BZW2: variants seen among roughly 807,000 people sequenced by gnomAD.
The protein encoded by BZW2 is basic leucine zipper and W2 domains 2.
BZW2 carries 23 observed loss-of-function variants against 53.2 expected under a neutral mutation model. The observed-to-expected ratio is 0.43, with a 90% CI of 0.31 to 0.61. The LOEUF (loss-of-function observed/expected upper bound fraction) is 0.61, where lower values mean the gene tolerates loss of function less well. Among genes scored for constraint, BZW2 ranks in the 20% least tolerant of loss-of-function variants. BZW2 has a pLI of 0.09. For synonymous variants in BZW2, 227 were observed against 186.4 expected, an observed-to-expected ratio of 1.22 and a Z score of -1.77; for missense variants, 409 against 503.1, an observed-to-expected ratio of 0.81 and a Z score of 1.79.
chr7:16,671,075 A>G (rs1358748113), intron 2 of BZW2, among the ~76,000 whole-genome samples: 2 of 152,174 alleles, frequency 1.3e-5, no homozygotes, highest in Non-Finnish European at 2.9e-5. Context: ...AATTTTATCA[A>G]AGTTATGCAT....
At chr7:16,703,050 C>T (rs1197036017) in intron 10 of BZW2, among the ~76,000 whole-genome samples, 1 of 152,158 alleles carries the variant, frequency 6.6e-6, no homozygotes, top group African/African-American at 2.4e-5. Flanking sequence ...GGCAGTCTTA[C>T]ACAATAACAG....
intron 2 of BZW2, among the ~76,000 whole-genome samples, chr7:16,670,970 C>G (rs1450201463): frequency 6.6e-6 from 1 of 152,214 alleles, no homozygotes; most frequent in Non-Finnish European, 1.5e-5. Flanking sequence ...GCTTATGTGA[C>G]TAGTGTTAAC....
chr7:16,654,579 G>C (rs1782074140), intron 1 of BZW2, among the ~76,000 whole-genome samples: 1 of 149,402 alleles, frequency 6.7e-6, no homozygotes, highest in Non-Finnish European at 1.5e-5. Context: ...CTGTCAGCCA[G>C]GCTGTGATAC....
At chr7:16,677,037 T>C (rs796927063) in intron 3 of BZW2, among the ~76,000 whole-genome samples, 13 of 151,178 alleles carry the variant, frequency 8.6e-5, no homozygotes, top group African/African-American at 3.2e-4. Context: ...GATTTATCTC[T>C]GTAGCCCAGA....
intron 1 of BZW2, among the ~76,000 whole-genome samples, chr7:16,662,908 C>A (rs551031255): frequency 6.6e-6 from 1 of 152,216 alleles, no homozygotes; most frequent in African/African-American, 2.4e-5. Flanking sequence ...GGTACAAGAC[C>A]CAACACCCAA....
At chr7:16,702,164 C>G (rs570521493) in intron 10 of BZW2, among the ~76,000 whole-genome samples, 2 of 152,248 alleles carry the variant, frequency 1.3e-5, no homozygotes, top group East Asian at 3.9e-4. Flanking sequence ...ACTCTTTTCC[C>G]TACTTTATCC....
chr7:16,701,735 G>A (rs987978911), intron 10 of BZW2, among the ~76,000 whole-genome samples: 14 of 152,068 alleles, frequency 9.2e-5, no homozygotes, highest in Non-Finnish European at 1.3e-4. Context: ...TTCCTTAAAC[G>A]TGTGTTGAAT....
chr7:16,674,554 A>G lies in BZW2; in HGVS notation c.201A>G (p.Thr67=), dbSNP rs768991557. The change falls in exon 3 of 12, where the codon ACA becomes ACG. Residue 67 remains threonine (T), a synonymous_variant. Transcript: ENST00000258761. Reference sequence around the variant, plus strand: ...TAGATTATCGTCGCTATGCAGACACACTCTTCGATATCCTGGTGGCTGGCA... The same window carrying G: ...TAGATTATCGTCGCTATGCAGACACGCTCTTCGATATCCTGGTGGCTGGCA... ...SRLDYRRYAD[T]LFDILVAGSM... 3.1e-6 allele frequency: 5 copies of G among 1,606,838 alleles called. No homozygotes were observed. In the South Asian group the frequency reaches 4.5e-5, roughly 14 times the overall value.
intron 11 of BZW2, among the ~76,000 whole-genome samples, chr7:16,705,610 A>G (rs1149509): frequency 0.93 from 137,506 of 148,490 alleles, 63,836 homozygotes; most frequent in Non-Finnish European, 0.97. Context: ...GCATGAACAC[A>G]GGAGGCGGAG....
chr7:16,665,556 T>C (rs1782398401), intron 2 of BZW2, 55 bp downstream of exon 2: 5 of 1,593,374 alleles, frequency 3.1e-6, no homozygotes, highest in African/African-American at 2.7e-5. Context: ...AAATATAAGA[T>C]TGGAGAAGAA....
chr7:16,675,815 C>T (rs960981877), intron 3 of BZW2, among the ~76,000 whole-genome samples: 2 of 152,248 alleles, frequency 1.3e-5, no homozygotes, highest in Non-Finnish European at 2.9e-5. Flanking sequence ...CGTGGTGGCT[C>T]ACGCCTGTAA....
intron 7 of BZW2, among the ~76,000 whole-genome samples, chr7:16,691,467 T>A (rs1389862661): frequency 4.6e-5 from 7 of 152,244 alleles, no homozygotes; most frequent in Non-Finnish European, 1.0e-4. Flanking sequence ...TAGTTCCACA[T>A]GCCTTTTCAT....
At chr7:16,699,578 C>T (rs1401653193) in intron 10 of BZW2, among the ~76,000 whole-genome samples, 1 of 152,094 alleles carries the variant, frequency 6.6e-6, no homozygotes, top group East Asian at 1.9e-4. Flanking sequence ...GCTTTCTTGT[C>T]ATATAAAAGA....
chr7:16,697,247 G>A (rs1221530939), intron 9 of BZW2, among the ~76,000 whole-genome samples, 186 bp downstream of exon 9: 1 of 152,114 alleles, frequency 6.6e-6, no homozygotes, highest in East Asian at 1.9e-4. Flanking sequence ...GTGCCACCAC[G>A]TCTGGCTAAT....
chr7:16,664,352 A>G (rs1349048990), intron 1 of BZW2, among the ~76,000 whole-genome samples: 1 of 152,234 alleles, frequency 6.6e-6, no homozygotes, highest in East Asian at 1.9e-4. Flanking sequence ...AAGGAGAGCT[A>G]GTGACAACAG....
intron 9 of BZW2, among the ~76,000 whole-genome samples, chr7:16,697,795 T>C (rs2128369040): frequency 6.6e-6 from 1 of 152,332 alleles, no homozygotes; most frequent in East Asian, 1.9e-4. Flanking sequence ...ATATCCATTG[T>C]ATTATTGGAC....
intron 1 of BZW2, among the ~76,000 whole-genome samples, chr7:16,646,742 C>T (rs1238356051): frequency 6.6e-6 from 1 of 152,222 alleles, no homozygotes; most frequent in Non-Finnish European, 1.5e-5. Context: ...GATCCTCGCC[C>T]TCCCCACTAC....
chr7:16,656,544 AGCGC>A (rs201292049), intron 1 of BZW2, among the ~76,000 whole-genome samples: 48 of 113,932 alleles, frequency 4.2e-4, no homozygotes, highest in Admixed American at 3.8e-3. Flanking sequence ...AGCACTCCCC[AGCGC>A]GCGCGCGCAC....
At chr7:16,663,090 A>G (rs963271794) in intron 1 of BZW2, among the ~76,000 whole-genome samples, 1 of 152,176 alleles carries the variant, frequency 6.6e-6, no homozygotes, top group African/African-American at 2.4e-5. Context: ...TCTGAATGAA[A>G]CTTTTGCAGT....
Sources: allele counts gnomAD v4.1 joint callset (sites outside exome capture counted in the v4.1 genomes callset), GRCh38; gene constraint gnomAD v4.1.1; transcripts MANE v1.5; gene names NCBI Gene and HGNC (gene_info 2026-07-23, HGNC 2026-07-21).